The following GPR146 variants were observed in gnomAD, a reference collection of about 807,000 sequenced individuals.
GPR146 encodes the protein G protein-coupled receptor 146.
For missense variants in GPR146, 381 were observed against 213.9 expected (o/e 1.78, Z -4.87); for synonymous variants, 203 against 104.3 (o/e 1.95, Z -5.77).
intron 1 of GPR146, among the ~76,000 whole-genome samples, chr7:1,048,073 CA>C (rs1303491907): frequency 6.6e-6 from 1 of 152,046 alleles, no homozygotes; most frequent in Non-Finnish European, 1.5e-5. Flanking sequence ...AGACAGTGGT[CA>C]GGGGTGGGTT....
At chr7:1,054,627 C>T (rs926596796) in intron 1 of GPR146, among the ~76,000 whole-genome samples, 27 of 152,196 alleles carry the variant, frequency 1.8e-4, no homozygotes, top group African/African-American at 6.3e-4. Context: ...GGCCTCACGG[C>T]GGGGCAGGCA....
At position 1,059,010 on chromosome 7, in the gene GPR146, G is replaced by A. The variant is rs115610492; in HGVS notation, c.*493G>A. The A allele has an allele frequency of 3.0e-3, 547 of 183,846 alleles. 4 individuals carry two copies. Among genetic ancestry groups the A allele is most frequent in the African/African-American group, 0.012 (506 of 41,816 alleles). The allele number at this position is 183,846 out of a possible 1,614,324, so 11.4% of individuals were successfully genotyped here. A position where few individuals can be genotyped will look rare whatever the true frequency, so the allele number is the denominator to read the frequency against. On this transcript the variant is annotated 3_prime_UTR_variant, in exon 2 of 2. Coordinates refer to ENST00000444847, the MANE Select transcript of GPR146 (RefSeq NM_001303473.2). ...GCGGCGTGTGCTAGCAAGGCCTGCC[G>A]GGTGTGCCGCAGTCACCACAGGGTT...
chr7:1,056,106 G>A lies in GPR146; in HGVS notation c.-24-1386G>A, dbSNP rs557869294. The A allele has an allele frequency of 1.2e-4, 19 of 154,006 alleles. 1 individual carries two copies. In the South Asian group the frequency reaches 3.9e-3, roughly 31 times the overall value. 9.5% of individuals were successfully genotyped at this position (154,006 alleles called of 1,614,324 possible). A position where few individuals can be genotyped will look rare whatever the true frequency, so the allele number is the denominator to read the frequency against. On this transcript the variant is annotated intron_variant, in intron 1 of 1. Coordinates refer to ENST00000444847, the MANE Select transcript of GPR146 (RefSeq NM_001303473.2). ...CCCCGCCACTGTGCTTGGAGCAGGT[G>A]CATCCTGTCTGGAGCTTGTGCTGGC...
chr7:1,048,096 T>C lies in GPR146; in HGVS notation c.-25+3438T>C, dbSNP rs542962557. 3.9e-5 allele frequency among the ~76,000 whole-genome samples: 6 copies of C among 152,230 alleles called. No homozygotes were observed. The East Asian group carries it at 1.2e-3, about 29-fold the overall frequency. On this transcript the variant is annotated intron_variant, in intron 1 of 1. Transcript: ENST00000444847. ...GTCAGGGGTGGGTTCCCGGGGGTAC[T>C]GATGCCCAAAATAAAATGTCAAGGA...
chr7:1,048,985 AAAACCATAAAACTGC>A (rs1782842055), intron 1 of GPR146, among the ~76,000 whole-genome samples: 1 of 152,310 alleles, frequency 6.6e-6, no homozygotes, highest in Non-Finnish European at 1.5e-5. Flanking sequence ...TCAGAACATA[AAAACCATAAAACTGC>A]AAAGCCTCTG....
intron 1 of GPR146, among the ~76,000 whole-genome samples, chr7:1,048,718 G>A (rs1782814630): frequency 6.6e-6 from 1 of 152,146 alleles, no homozygotes; most frequent in Non-Finnish European, 1.5e-5. Flanking sequence ...AAATGCTCCT[G>A]ACAGCTAGCC....
rs1319590330 is a variant in GPR146, at chr7:1,058,564, A to C, written c.*47A>C. On this transcript the variant is annotated 3_prime_UTR_variant, in exon 2 of 2. Transcript: ENST00000444847. ...GACGTGACTCTGGTGGACGCAGAGC[A>C]CTTAGTTACCCTGGACGCTCCCCAC... is the stretch of plus-strand genomic sequence containing the variant. 1.4e-6 allele frequency: 1 copy of C among 735,394 alleles called. No individual in the cohort carries two copies. The highest frequency in any genetic ancestry group is 2.5e-5 in the East Asian group (1 of 40,744). The allele number at this position is 735,394 out of a possible 1,614,324, so 45.6% of individuals were successfully genotyped here.
At chr7:1,054,980 C>G (rs758443465) in intron 1 of GPR146, among the ~76,000 whole-genome samples, 1 of 152,218 alleles carries the variant, frequency 6.6e-6, no homozygotes, top group Non-Finnish European at 1.5e-5. Flanking sequence ...ACCAACATCT[C>G]AAGCACACTG....
intron 1 of GPR146, among the ~76,000 whole-genome samples, chr7:1,057,049 C>T (rs566959855): frequency 2.7e-5 from 4 of 150,928 alleles, no homozygotes; most frequent in Admixed American, 6.6e-5. Flanking sequence ...CCTGAGCTGC[C>T]GGGAGGGAGG....
intron 1 of GPR146, chr7:1,056,396 T>G (rs1239302949): frequency 6.6e-6 from 1 of 152,446 alleles, no homozygotes; most frequent in Non-Finnish European, 1.5e-5. Context: ...CTGGGCGGCA[T>G]TCACCAGGAT....
At chr7:1,053,812 G>A (rs1340519118) in intron 1 of GPR146, among the ~76,000 whole-genome samples, 4 of 152,226 alleles carry the variant, frequency 2.6e-5, no homozygotes, top group African/African-American at 9.6e-5. Context: ...GGGCAACAGA[G>A]CGAGACTCCA....
chr7:1,047,408 C>T (rs1376764503), intron 1 of GPR146, among the ~76,000 whole-genome samples: 1 of 152,224 alleles, frequency 6.6e-6, no homozygotes, highest in Non-Finnish European at 1.5e-5. Context: ...CAAAACCATC[C>T]ACCTATGTAA....
intron 1 of GPR146, among the ~76,000 whole-genome samples, chr7:1,046,053 G>T (rs1419283453): frequency 6.6e-6 from 1 of 151,902 alleles, no homozygotes; most frequent in East Asian, 1.9e-4. Context: ...GTGGGTCTTA[G>T]GTTAGGATGT....
At chr7:1,053,950 G>C (rs1294813184) in intron 1 of GPR146, among the ~76,000 whole-genome samples, 1 of 152,254 alleles carries the variant, frequency 6.6e-6, no homozygotes, top group African/African-American at 2.4e-5. Context: ...CAGGGACCCT[G>C]TTCCTACCAC....
intron 1 of GPR146, among the ~76,000 whole-genome samples, chr7:1,046,357 G>A (rs749963314): frequency 6.6e-6 from 1 of 152,182 alleles, no homozygotes; most frequent in Non-Finnish European, 1.5e-5. Context: ...TGCACACGAC[G>A]ATCCCACGGT....
intron 1 of GPR146, among the ~76,000 whole-genome samples, chr7:1,045,156 G>A (rs1782463900): frequency 6.6e-6 from 1 of 152,358 alleles, no homozygotes; most frequent in East Asian, 1.9e-4. Context: ...CTCTCCAGCC[G>A]CCAAACCACC....
intron 1 of GPR146, among the ~76,000 whole-genome samples, chr7:1,051,878 T>A (rs1040191616): frequency 6.6e-6 from 1 of 152,184 alleles, no homozygotes; most frequent in African/African-American, 2.4e-5. Flanking sequence ...CTTGGGAGGC[T>A]GAGATGGGAG....
At chr7:1,054,226 G>A (rs557152934) in intron 1 of GPR146, among the ~76,000 whole-genome samples, 32 of 152,322 alleles carry the variant, frequency 2.1e-4, no homozygotes, top group African/African-American at 7.2e-4. Flanking sequence ...CACGCAAAGC[G>A]CGTCACCTTC....
intron 1 of GPR146, chr7:1,055,313 G>A (rs1352594028): frequency 8.5e-6 from 4 of 471,168 alleles, no homozygotes; most frequent in South Asian, 3.1e-5. Context: ...GCCCTCACAC[G>A]CACGCGCAGG....
Sources: gnomAD v4.1 joint callset for allele counts (sites outside exome capture counted in the v4.1 genomes callset) on GRCh38, gnomAD v4.1.1 for gene constraint, MANE v1.5 for transcripts, NCBI Gene and HGNC (gene_info 2026-07-23, HGNC 2026-07-21) for gene names.